Variants in CLCN1 observed in about 807,000 individuals in gnomAD.
CLCN1 encodes the protein chloride voltage-gated channel 1, also known as chloride channel protein 1.
Under a neutral mutation model 114.5 loss-of-function variants are expected in CLCN1, and 100 were observed. The observed-to-expected ratio is 0.87, with a 90% confidence interval of 0.74 to 1.03. The LOEUF is 1.03. CLCN1 is among the 50% of genes least tolerant of loss of function. CLCN1 has a pLI of 0.00. For synonymous variants in CLCN1, 485 were observed against 487.1 expected (o/e 1.00, Z 0.06); for missense variants, 1,188 against 1,250.0 (o/e 0.95, Z 0.75).
chr7:143,345,547 G>A lies in CLCN1; in HGVS notation c.1957G>A (p.Glu653Lys). 2 of 1,540,748 alleles carry A rather than the reference G, an allele frequency of 1.3e-6. No individual in the cohort carries two copies. Among genetic ancestry groups the A allele is most frequent in the Non-Finnish European group, 1.8e-6 (2 of 1,139,510 alleles). ...TTCAATGATCCTGCTGGGCTCGGTGGAGCGGTCGGAACTGCAGGCCCTCCT... is the reference window on the plus strand; with the variant it reads ...TTCAATGATCCTGCTGGGCTCGGTGAAGCGGTCGGAACTGCAGGCCCTCCT... ...KDSMILLGSV[E>K]RSELQALLQR... The change falls in exon 17 of 23, where the codon GAG (glutamate) becomes AAG (lysine). Residue 653 changes from glutamate (E) to lysine (K), a missense_variant. Transcript: ENST00000343257.
At chr7:143,349,762 G>A (rs1191947339) in intron 20 of CLCN1, among the ~76,000 whole-genome samples, 4 of 152,170 alleles carry the variant, frequency 2.6e-5, no homozygotes, top group African/African-American at 4.8e-5. Context: ...TACAGCAGCC[G>A]ATACCACATA....
intron 6 of CLCN1, 76 bp downstream of exon 6, chr7:143,323,462 G>A (rs1802498876): frequency 9.9e-7 from 1 of 1,014,614 alleles, no homozygotes; most frequent in Non-Finnish European, 1.6e-6. Context: ...GTGTTGGGAG[G>A]GCTGCCTCTG....
intron 2 of CLCN1, 86 bp downstream of exon 2, chr7:143,319,961 C>A: frequency 1.4e-6 from 2 of 1,383,962 alleles, no homozygotes; most frequent in Non-Finnish European, 2.0e-6. Context: ...ATTGCACGTA[C>A]GTACTCCCTG....
At chr7:143,320,832 T>G in intron 3 of CLCN1, 37 bp downstream of exon 3, 1 of 1,613,214 alleles carries the variant, frequency 6.2e-7, no homozygotes, top group South Asian at 1.1e-5. Context: ...CAGCCGTTTC[T>G]GGAGTTTCTA....
At position 143,321,201 on chromosome 7, in the gene CLCN1, G is replaced by A. The variant is rs549303734; in HGVS notation, c.434-164G>A. ...GCCACCAACTGGAACAGGCCATGTC[G>A]CCTCCATAACTCAGGCTTCCCATGT... On this transcript the variant is annotated intron_variant, in intron 3 of 22. Coordinates refer to ENST00000343257, the MANE Select transcript of CLCN1 (RefSeq NM_000083.3). This position sits in a 1 kb window ranked among gnomAD's most constrained non-coding sequence, Gnocchi z 4.2. 3.3e-5 allele frequency among the ~76,000 whole-genome samples: 5 copies of A among 152,286 alleles called. No homozygotes were observed. The highest frequency in any genetic ancestry group is 9.6e-5 in the African/African-American group (4 of 41,568).
intron 14 of CLCN1, among the ~76,000 whole-genome samples, chr7:143,341,713 G>T (rs1210810160): frequency 6.6e-6 from 1 of 152,102 alleles, no homozygotes; most frequent in African/African-American, 2.4e-5. Context: ...CACACACAAA[G>T]ATTTTGTAAC....
chr7:143,319,040 A>G (rs767388036), intron 1 of CLCN1, among the ~76,000 whole-genome samples: 10 of 152,244 alleles, frequency 6.6e-5, no homozygotes, highest in Non-Finnish European at 1.5e-4. Context: ...TGTATACCCC[A>G]CACAGACACA....
At chr7:143,344,417 CA>C (rs1471138045) in intron 16 of CLCN1, among the ~76,000 whole-genome samples, 3 of 152,170 alleles carry the variant, frequency 2.0e-5, no homozygotes, top group African/African-American at 7.2e-5. Flanking sequence ...CATGTAGGGC[CA>C]TTTGGAGTCA....
Position 143,350,483 on chromosome 7 carries a change from CTT to C in CLCN1, c.2508+10_2508+11del, listed in dbSNP as rs750948759. 5 of 1,612,518 alleles carry C rather than the reference CTT, an allele frequency of 3.1e-6. No homozygotes were observed. In the South Asian group the frequency reaches 4.4e-5, roughly 14 times the overall value. On this transcript the variant is annotated splice_region_variant and intron_variant, in intron 21 of 22. Coordinates refer to ENST00000343257, the MANE Select transcript of CLCN1 (RefSeq NM_000083.3). The surrounding 1 kb of genome is among the most constrained non-coding windows in gnomAD (Gnocchi z 5.1). The stretch of plus-strand genomic sequence containing the variant: ...GCAGACAACCCTGCACAAGGTGAGT[CTT>C]TTGCTGACTGCTCAGGGCTGTGGGG...
intron 7 of CLCN1, among the ~76,000 whole-genome samples, chr7:143,327,847 G>GT (rs1379989394): frequency 6.6e-6 from 1 of 151,926 alleles, no homozygotes; most frequent in Non-Finnish European, 1.5e-5. Flanking sequence ...TAGAAGTGAG[G>GT]TTTTTCCATG....
At chr7:143,346,802 G>T (rs1209392607) in intron 19 of CLCN1, 109 bp from the exon 20 acceptor site, 1 of 1,203,312 alleles carries the variant, frequency 8.3e-7, no homozygotes, top group Non-Finnish European at 1.2e-6. Flanking sequence ...GAATGAAAAG[G>T]AGGCATCGGT....
intron 12 of CLCN1, among the ~76,000 whole-genome samples, chr7:143,336,097 C>G (rs567141689): frequency 1.3e-5 from 2 of 152,130 alleles, no homozygotes; most frequent in Non-Finnish European, 2.9e-5. Context: ...TCTCAGTTTG[C>G]TTTTAATAAG....
rs1171437195 is a variant in CLCN1 at position 143,339,386 on chromosome 7, AGGAAAGGCCCGGGATGCTG to A, written c.1471+68_1471+86del. The A allele has an allele frequency of 2.0e-5, 29 of 1,426,246 alleles. No homozygotes were observed. Among genetic ancestry groups the A allele is most frequent in the African/African-American group, 2.8e-5 (2 of 71,048 alleles). The allele number at this position is 1,426,246 out of a possible 1,614,324, so 88.3% of individuals were successfully genotyped here. A position where few individuals can be genotyped will look rare whatever the true frequency, so the allele number is the denominator to read the frequency against. On this transcript the variant is annotated intron_variant, in intron 13 of 22. Transcript: ENST00000343257. The surrounding 1 kb of genome is among the most constrained non-coding windows in gnomAD (Gnocchi z 4.1). ...TGCAATCTAGGATACAGGAAACATAAGGAAAGGCCCGGGATGCTGGGAGTTTATATTTGTTCTTAATGCC... is the reference window on the plus strand; with the variant it reads ...TGCAATCTAGGATACAGGAAACATAAGGAGTTTATATTTGTTCTTAATGCC...
chr7:143,332,783 G>C lies in CLCN1; in HGVS notation c.1311G>C (p.Ala437=). The C allele has an allele frequency of 6.2e-7, 1 of 1,614,072 alleles. No individual in the cohort carries two copies. The highest frequency in any genetic ancestry group is 1.1e-5 in the South Asian group (1 of 91,082). Residue 437 remains alanine, a synonymous_variant, in exon 12 of 23, where the codon GCG becomes GCC. Transcript: ENST00000343257. ...LFDNNTWVKH[A]GDPESLGQSA... ...ACAACAATACATGGGTGAAACACGC[G>C]GGTGATCCTGAGAGCCTGGGCCAGT...
rs779694767 is a variant in CLCN1 at position 143,351,873 on chromosome 7, A to G, written c.2875A>G (p.Ser959Gly). ...GELEELELVE[S>G]PGLEEELADI... ...GTTGGAGGAGCTGGAGCTGGTGGAGAGTCCAGGGCTGGAAGAGGAGCTGGC... is the reference window on the plus strand; with the variant it reads ...GTTGGAGGAGCTGGAGCTGGTGGAGGGTCCAGGGCTGGAAGAGGAGCTGGC... Residue 959 changes from serine (S) to glycine (G), a missense_variant, in exon 23 of 23, where the codon AGT becomes GGT. Transcript: ENST00000343257. The G allele has an allele frequency of 3.5e-5, 57 of 1,613,568 alleles. 2 individuals carry two copies. In the South Asian group the frequency reaches 5.5e-4, roughly 16 times the overall value.
At chr7:143,346,681 A>T in intron 19 of CLCN1, 23 bp downstream of exon 19, 1 of 1,591,622 alleles carries the variant, frequency 6.3e-7, no homozygotes, top group Non-Finnish European at 8.6e-7. Context: ...GTGTTTGGGG[A>T]TACAGGGGAA....
At chr7:143,327,203 G>A (rs985202781) in intron 7 of CLCN1, among the ~76,000 whole-genome samples, 11 of 150,896 alleles carry the variant, frequency 7.3e-5, no homozygotes, top group South Asian at 4.2e-4. Context: ...CTGAGATCGC[G>A]CGTCACTGCA....
At chr7:143,345,283 A>G (rs1803196585) in intron 16 of CLCN1, among the ~76,000 whole-genome samples, 1 of 152,238 alleles carries the variant, frequency 6.6e-6, no homozygotes, top group Non-Finnish European at 1.5e-5. Context: ...CAAAATAAGT[A>G]CAAATTAGCC....
chr7:143,321,784 C>G lies in CLCN1; in HGVS notation c.632C>G (p.Ala211Gly). 6.2e-7 allele frequency: 1 copy of G among 1,614,232 alleles called. No homozygotes were observed. The highest frequency in any genetic ancestry group is 8.5e-7 in the Non-Finnish European group (1 of 1,180,024). ...CTGAAGGAATACCTCACAATGAAAG[C>G]CTTTGTGGCCAAGGTTGTCGCCCTG... ...VVLKEYLTMK[A>G]FVAKVVALTA... is the part of the protein sequence containing the mutation. The change falls in exon 5 of 23, where the codon GCC (alanine) becomes GGC (glycine). Residue 211 changes from alanine to glycine, a missense_variant. Coordinates refer to ENST00000343257, the MANE Select transcript of CLCN1 (RefSeq NM_000083.3). This position sits in a 1 kb window ranked among gnomAD's most constrained non-coding sequence, Gnocchi z 4.2.
Sources: gnomAD v4.1 joint callset for allele counts (sites outside exome capture counted in the v4.1 genomes callset) on GRCh38, gnomAD v4.1.1 for gene constraint, Gnocchi (gnomAD v3.1) non-coding constraint, MANE v1.5 for transcripts, NCBI Gene and HGNC (gene_info 2026-07-23, HGNC 2026-07-21) for gene names.